NUP210L: variants seen among roughly 807,000 people sequenced by gnomAD.
NUP210L encodes nucleoporin 210 like.
In NUP210L, 74 loss-of-function variants were observed where a neutral mutation model predicts 208.5. The observed-to-expected ratio is 0.35, with a 90% CI of 0.29 to 0.43. The LOEUF is 0.43. Among genes scored for constraint, NUP210L ranks in the 20% least tolerant of loss-of-function variants. The pLI is 1.00. For missense variants in NUP210L, 1,843 were observed against 2,289.4 expected (o/e 0.81, Z 3.98); for synonymous variants, 780 against 816.9 (o/e 0.95, Z 0.77).
chr1:154,143,125 T>C (rs556918012), intron 3 of NUP210L, among the ~76,000 whole-genome samples: 2 of 151,612 alleles, frequency 1.3e-5, no homozygotes, highest in Non-Finnish European at 2.9e-5. Context: ...GAGGCAGAGG[T>C]TGCAGTGAGC....
At chr1:154,094,061 A>T (rs1017755889) in intron 15 of NUP210L, among the ~76,000 whole-genome samples, 5 of 152,126 alleles carry the variant, frequency 3.3e-5, no homozygotes, top group African/African-American at 4.8e-5. Context: ...AGTTGGGCAG[A>T]TCACAAGGTC....
chr1:154,143,374 T>C (rs901028489), intron 3 of NUP210L, 72 bp downstream of exon 3: 1 of 1,424,298 alleles, frequency 7.0e-7, no homozygotes, highest in African/African-American at 1.4e-5. Context: ...AAGTTTTTGT[T>C]TCCAAGTGCT....
intron 30 of NUP210L, 136 bp from the exon 31 acceptor site, chr1:154,023,433 TAAGTC>T (rs1651680303): frequency 1.6e-6 from 1 of 644,598 alleles, no homozygotes; most frequent in South Asian, 2.4e-5. Context: ...TGAGATGACT[TAAGTC>T]AGAGTGAAAA....
chr1:154,118,743 G>A, exon 11 of NUP210L: 3 of 1,597,094 alleles, frequency 1.9e-6, no homozygotes, highest in Non-Finnish European at 2.6e-6. Context: ...TAAGCATGAT[G>A]GGAAAATAAA....
At chr1:154,053,414 G>A (rs534568926) in intron 25 of NUP210L, among the ~76,000 whole-genome samples, 9 of 152,284 alleles carry the variant, frequency 5.9e-5, no homozygotes, top group African/African-American at 1.9e-4. Flanking sequence ...AATAAAAAGG[G>A]AGAACATGTT....
chr1:154,010,731 G>A (rs563130732), intron 34 of NUP210L, among the ~76,000 whole-genome samples: 1 of 152,040 alleles, frequency 6.6e-6, no homozygotes, highest in South Asian at 2.1e-4. Context: ...TTAGCTGGGG[G>A]TGGTGGCTCA....
At chr1:154,067,528 C>G (rs2148008051) in intron 17 of NUP210L, among the ~76,000 whole-genome samples, 1 of 152,298 alleles carries the variant, frequency 6.6e-6, no homozygotes, top group South Asian at 2.1e-4. Flanking sequence ...CCTTTGAAAA[C>G]TGGCACAAGA....
At position 154,097,134 on chromosome 1, in the gene NUP210L, T is replaced by C. The variant is rs535259716; in HGVS notation, c.1966-1978A>G. ...GGAAAAAATAAACACAGAGGTCTCA[T>C]AGATGGCCTTTCTGAAAAAGCAAAA... is the stretch of plus-strand genomic sequence containing the variant. On this transcript the variant is annotated intron_variant, in intron 14 of 39. Transcript: ENST00000368559. Among the ~76,000 whole-genome samples, 191 of 152,236 alleles carry C rather than the reference T, an allele frequency of 1.3e-3. 1 individual carries two copies. The highest frequency in any genetic ancestry group is 2.1e-3 in the Non-Finnish European group (140 of 68,010).
intron 7 of NUP210L, among the ~76,000 whole-genome samples, chr1:154,131,317 A>G (rs1337521190): frequency 1.3e-5 from 2 of 152,096 alleles, no homozygotes; most frequent in Non-Finnish European, 2.9e-5. Context: ...AAAGTCAGCA[A>G]TAACAACATT....
intron 38 of NUP210L, among the ~76,000 whole-genome samples, chr1:153,994,166 C>T (rs139830459): frequency 1.3e-5 from 2 of 152,232 alleles, no homozygotes; most frequent in East Asian, 3.9e-4. Context: ...AGGTGTGAGC[C>T]ATTGCACCCA....
intron 17 of NUP210L, among the ~76,000 whole-genome samples, chr1:154,065,957 G>T (rs1349220573): frequency 6.9e-6 from 1 of 144,090 alleles, no homozygotes; most frequent in Non-Finnish European, 1.5e-5. Flanking sequence ...TCAGATATAC[G>T]ATTAAGAAAC....
exon 23 of NUP210L, chr1:154,056,825 C>G: frequency 6.3e-7 from 1 of 1,579,200 alleles, no homozygotes; most frequent in Non-Finnish European, 8.6e-7. Context: ...TTCAATGTGC[C>G]GAGGAGTTGA....
At chr1:154,061,754 C>A in intron 17 of NUP210L, 80 bp from the exon 18 acceptor site, 2 of 888,174 alleles carry the variant, frequency 2.3e-6, no homozygotes, top group South Asian at 1.5e-5. Context: ...CCACATTCTG[C>A]CACAGTTTTT....
intron 23 of NUP210L, among the ~76,000 whole-genome samples, chr1:154,055,129 T>TTC (rs201648547): frequency 0.12 from 7,022 of 56,946 alleles, 257 homozygotes; most frequent in East Asian, 0.22. Flanking sequence ...TTTCTTTTCT[T>TTC]TCTTTCTTTC....
At chr1:154,125,620 TGAAAGGAAGGAAGGAA>T (rs1657859961) in intron 10 of NUP210L, among the ~76,000 whole-genome samples, 3 of 64,244 alleles carry the variant, frequency 4.7e-5, no homozygotes, top group East Asian at 3.9e-4. Flanking sequence ...AGGCCCTCTC[TGAAAGGAAGGAAGGAA>T]GGAAGGAAGG....
chr1:154,075,987 C>T (rs1475282512), intron 16 of NUP210L, among the ~76,000 whole-genome samples: 1 of 151,642 alleles, frequency 6.6e-6, no homozygotes, highest in Non-Finnish European at 1.5e-5. Flanking sequence ...TGGGGTTTTG[C>T]CATGTCACTC....
In NUP210L at chr1:154,023,345, G is replaced by A. The variant is rs540030602; in HGVS notation, c.4123-48C>T. ...GTACAGAGAAAGATGCACTGGAGAA[G>A]TGCTGCAACCATATTCTGAGACTTA... On this transcript the variant is annotated intron_variant, in intron 30 of 39. Coordinates refer to ENST00000368559, the Ensembl canonical transcript of NUP210L. 2.8e-6 allele frequency: 4 copies of A among 1,414,578 alleles called. No homozygotes were observed. The East Asian group carries it at 7.0e-5, about 25-fold the overall frequency. 87.6% of individuals were successfully genotyped at this position (1,414,578 alleles called of 1,614,324 possible). A position where few individuals can be genotyped will look rare whatever the true frequency, so the allele number is the denominator to read the frequency against.
intron 10 of NUP210L, among the ~76,000 whole-genome samples, chr1:154,124,203 A>T (rs1657766994): frequency 6.6e-6 from 1 of 151,130 alleles, no homozygotes; most frequent in Non-Finnish European, 1.5e-5. Flanking sequence ...AAAAAAAAAA[A>T]AAAAGAGAGA....
At chr1:154,106,374 A>G (rs1464496491) in intron 12 of NUP210L, among the ~76,000 whole-genome samples, 3 of 151,930 alleles carry the variant, frequency 2.0e-5, no homozygotes, top group African/African-American at 7.3e-5. Context: ...AAGGTTCCTG[A>G]CTCCAGGCCC....
Sources: allele counts gnomAD v4.1 joint callset (sites outside exome capture counted in the v4.1 genomes callset), GRCh38; gene constraint gnomAD v4.1.1; transcripts MANE v1.5; gene names NCBI Gene and HGNC (gene_info 2026-07-23, HGNC 2026-07-21).